The following ATP2C2 variants were observed in gnomAD, a reference collection of about 807,000 sequenced individuals.
ATP2C2 encodes ATPase secretory pathway Ca2+ transporting 2, also known as calcium-transporting ATPase type 2C member 2.
In ATP2C2, 171 loss-of-function variants were observed where a neutral mutation model predicts 110.8. The observed-to-expected ratio is 1.54, with a 90% CI of 1.36 to 1.75. The LOEUF (loss-of-function observed/expected upper bound fraction) is 1.75, where lower values mean the gene tolerates loss of function less well. Ranked by LOEUF, ATP2C2 falls within the 40% of genes most tolerant of loss-of-function variation. The pLI is 0.00. For synonymous variants in ATP2C2, 804 were observed against 508.4 expected, an observed-to-expected ratio of 1.58 and a Z score of -7.82; for missense variants, 1,963 against 1,235.0, an observed-to-expected ratio of 1.59 and a Z score of -8.84.
chr16:84,425,847 G>T, intron 11 of ATP2C2, 46 bp downstream of exon 11: 1 of 1,596,508 alleles, frequency 6.3e-7, no homozygotes, highest in East Asian at 2.2e-5. Context: ...GTGGTCAATG[G>T]GCTCTGAGCC....
intron 1 of ATP2C2, among the ~76,000 whole-genome samples, chr16:84,380,549 C>T (rs1288708639): frequency 6.6e-6 from 1 of 152,116 alleles, no homozygotes; most frequent in Non-Finnish European, 1.5e-5. Context: ...GATCAGTTTG[C>T]GGTAATCAGG....
Position 84,423,320 on chromosome 16 carries a change from AG to A in ATP2C2, c.919+63del, listed in dbSNP as rs1401397907. On this transcript the variant is annotated intron_variant, in intron 10 of 26. Transcript: ENST00000262429. ...TCTGCAGATGGAGGGGAGCCATCAT[AG>A]GGGGGTTGCCATGGCCGTTTCTCAA... 7 of 1,523,522 alleles carry A rather than the reference AG, an allele frequency of 4.6e-6. No homozygotes were observed. In the East Asian group the frequency reaches 1.4e-4, roughly 29 times the overall value. The allele number at this position is 1,523,522 out of a possible 1,614,324, so 94.4% of individuals were successfully genotyped here. A position where few individuals can be genotyped will look rare whatever the true frequency, so the allele number is the denominator to read the frequency against.
intron 1 of ATP2C2, among the ~76,000 whole-genome samples, chr16:84,376,900 A>T (rs1282408356): frequency 6.6e-6 from 1 of 152,218 alleles, no homozygotes; most frequent in African/African-American, 2.4e-5. Context: ...GCCCTGCTGA[A>T]GGGTTCTTGT....
chr16:84,460,273 A>C (rs1250111447), intron 23 of ATP2C2: 1 of 298,372 alleles, frequency 3.4e-6, no homozygotes, highest in Non-Finnish European at 6.5e-6. Context: ...AGTTGGCTGG[A>C]GGCTGGTCTC....
rs773348796 is a variant in ATP2C2, at chr16:84,392,722, C to G, written c.100-5777C>G. On this transcript the variant is annotated intron_variant, in intron 1 of 26. Transcript: ENST00000262429. ...AGGTGATCTGCCTGCCTTGGCCTCTCAAAGTGCTGGGATTACGGGCGTGAG... is the reference window on the plus strand; with the variant it reads ...AGGTGATCTGCCTGCCTTGGCCTCTGAAAGTGCTGGGATTACGGGCGTGAG... Among the ~76,000 whole-genome samples the G allele has an allele frequency of 2.6e-4, 40 of 152,314 alleles. 1 individual carries two copies. Among genetic ancestry groups the G allele is most frequent in the Middle Eastern group, 6.8e-3 (2 of 294 alleles).
intron 11 of ATP2C2, among the ~76,000 whole-genome samples, chr16:84,437,857 T>C (rs1450611085): frequency 6.6e-6 from 1 of 152,208 alleles, no homozygotes; most frequent in Non-Finnish European, 1.5e-5. Context: ...CCCTGTGCCC[T>C]TTAGCTATCA....
chr16:84,455,078 GTC>G, intron 21 of ATP2C2, 94 bp downstream of exon 21: 3 of 1,445,602 alleles, frequency 2.1e-6, no homozygotes, highest in East Asian at 2.4e-5. Flanking sequence ...AGAGGGGGGG[GTC>G]TCGCGGAGTC....
intron 3 of ATP2C2, 96 bp from the exon 4 acceptor site, chr16:84,408,309 A>G (rs1247939181): frequency 1.7e-6 from 2 of 1,208,536 alleles, no homozygotes; most frequent in Non-Finnish European, 2.4e-6. Flanking sequence ...CTGGCCCTGA[A>G]CTGAGACCCC....
At position 84,444,588 on chromosome 16, in the gene ATP2C2, C is replaced by G. The variant is rs140732305; in HGVS notation, c.1402-1741C>G. ...GCTCATTTCCCGTTTTAAAATAGTG[C>G]TGAGTCTGCCCCATTCAACAACTCC... On this transcript the variant is annotated intron_variant, in intron 15 of 26. Transcript: ENST00000262429. Among the ~76,000 whole-genome samples the G allele has an allele frequency of 6.5e-3, 997 of 152,330 alleles. 12 individuals carry two copies. The highest frequency in any genetic ancestry group is 0.023 in the African/African-American group (958 of 41,566).
intron 7 of ATP2C2, among the ~76,000 whole-genome samples, chr16:84,422,099 T>C (rs936036875): frequency 6.6e-6 from 1 of 152,222 alleles, no homozygotes; most frequent in African/African-American, 2.4e-5. Flanking sequence ...ACAGGTGTTT[T>C]GAAAGGTATA....
intron 1 of ATP2C2, among the ~76,000 whole-genome samples, chr16:84,396,426 T>C (rs1415267215): frequency 6.6e-6 from 1 of 151,228 alleles, no homozygotes; most frequent in Non-Finnish European, 1.5e-5. Context: ...GGTGCGTGCC[T>C]GTAGTCCCAG....
chr16:84,422,494 C>G lies in ATP2C2; in HGVS notation c.729C>G (p.Ser243Arg). ...GCGGTGGGGACCTCACCACCCTCAG[C>G]AACATCGTCTTCATGGGGACCCTGG... ...LTGGGDLTTL[S>R]NIVFMGTLVQ... Residue 243 changes from serine (S) to arginine (R), a missense_variant, in exon 8 of 27, where the codon AGC becomes AGG. By Grantham distance (110) the Ser-to-Arg change is moderately radical (BLOSUM62 -1). Transcript: ENST00000262429. 1 of 1,614,138 alleles carries G rather than the reference C, an allele frequency of 6.2e-7. No homozygotes were observed. Among genetic ancestry groups the G allele is most frequent in the Non-Finnish European group, 8.5e-7 (1 of 1,180,026 alleles).
In ATP2C2 at chr16:84,422,530, G is replaced by A. The variant is rs1036302778; in HGVS notation, c.765G>A (p.Gly255=). The A allele has an allele frequency of 5.6e-6, 9 of 1,613,940 alleles. No individual in the cohort carries two copies. The highest frequency in any genetic ancestry group is 5.3e-5 in the African/African-American group (4 of 74,906). Residue 255 remains glycine, a synonymous_variant, in exon 8 of 27, where the codon GGG becomes GGA. Transcript: ENST00000262429. ...TCATGGGGACCCTGGTGCAGTATGG[G>A]AGGGGCCAGGTAAGCCCTGGGACAC... The part of the protein sequence containing the change: ...IVFMGTLVQY[G]RGQGVVIGTG...
At chr16:84,429,482 T>C (rs533644089) in intron 11 of ATP2C2, among the ~76,000 whole-genome samples, 26 of 152,290 alleles carry the variant, frequency 1.7e-4, no homozygotes, top group Non-Finnish European at 3.4e-4. Flanking sequence ...GCATTTATCC[T>C]TCGGTGTTAC....
intron 16 of ATP2C2, among the ~76,000 whole-genome samples, chr16:84,447,692 T>C (rs1567733562): frequency 6.9e-6 from 1 of 144,998 alleles, no homozygotes; most frequent in Non-Finnish European, 1.5e-5. Flanking sequence ...TATTATTTAA[T>C]ATATATTATG....
chr16:84,413,657 C>A (rs1488328325), intron 6 of ATP2C2, among the ~76,000 whole-genome samples: 1 of 152,182 alleles, frequency 6.6e-6, no homozygotes, highest in Non-Finnish European at 1.5e-5. Context: ...GAGGTCACTT[C>A]TAAAAGACGG....
intron 2 of ATP2C2, among the ~76,000 whole-genome samples, chr16:84,398,954 C>T (rs549486250): frequency 6.6e-6 from 1 of 152,356 alleles, no homozygotes; most frequent in South Asian, 2.1e-4. Context: ...AGAGGTAGCA[C>T]AGCCCAGCGT....
At chr16:84,444,581 A>G (rs1909575112) in intron 15 of ATP2C2, among the ~76,000 whole-genome samples, 1 of 152,224 alleles carries the variant, frequency 6.6e-6, no homozygotes, top group Admixed American at 6.5e-5. Flanking sequence ...CCCGTTTTAA[A>G]ATAGTGCTGA....
chr16:84,388,791 G>C (rs1904473759), intron 1 of ATP2C2, among the ~76,000 whole-genome samples: 1 of 151,966 alleles, frequency 6.6e-6, no homozygotes, highest in South Asian at 2.1e-4. Flanking sequence ...TTTGTTTTTT[G>C]AGATGGAGTC....
Sources: gnomAD v4.1 joint callset for allele counts (sites outside exome capture counted in the v4.1 genomes callset) on GRCh38, gnomAD v4.1.1 for gene constraint, MANE v1.5 for transcripts, NCBI Gene and HGNC (gene_info 2026-07-23, HGNC 2026-07-21) for gene names.